The following SWAP70 variants were observed in gnomAD, a reference collection of about 807,000 sequenced individuals.
SWAP70 encodes switch-associated protein 70.
A neutral mutation model predicts 80.2 loss-of-function variants in SWAP70; 34 were observed. The ratio of observed to expected loss-of-function variants is 0.42; its 90% CI spans 0.32 to 0.56. The LOEUF is 0.56. Ranked by LOEUF, SWAP70 falls within the 20% of genes least tolerant of loss-of-function variation. The pLI is 0.09. For synonymous variants in SWAP70, 239 were observed against 238.5 expected, an observed-to-expected ratio of 1.00 and a Z score of -0.02; for missense variants, 578 against 690.7, an observed-to-expected ratio of 0.84 and a Z score of 1.83.
chr11:9,682,434 T>C (rs1436294904), intron 1 of SWAP70, among the ~76,000 whole-genome samples: 3 of 152,174 alleles, frequency 2.0e-5, no homozygotes, highest in Non-Finnish European at 4.4e-5. Context: ...ATTTGGATCT[T>C]TTGGACGTGA....
chr11:9,740,094 G>T (rs951648837), intron 8 of SWAP70, 87 bp from the exon 9 acceptor site: 19 of 1,276,916 alleles, frequency 1.5e-5, no homozygotes, highest in Non-Finnish European at 2.1e-5. Flanking sequence ...TGAGGCTGCA[G>T]CTGTGGGCAA....
At chr11:9,677,692 TTGAAA>T in intron 1 of SWAP70, among the ~76,000 whole-genome samples, 1 of 152,322 alleles carries the variant, frequency 6.6e-6, no homozygotes, top group South Asian at 2.1e-4. Context: ...TGGAAATGTC[TTGAAA>T]TGAACTCATT....
At chr11:9,695,696 T>A (rs1850747733) in intron 2 of SWAP70, among the ~76,000 whole-genome samples, 1 of 151,972 alleles carries the variant, frequency 6.6e-6, no homozygotes, top group Non-Finnish European at 1.5e-5. Context: ...CACGTACACT[T>A]ATGTAACAAA....
intron 8 of SWAP70, among the ~76,000 whole-genome samples, chr11:9,739,684 C>G (rs1851410297): frequency 6.6e-6 from 1 of 152,112 alleles, no homozygotes; most frequent in Non-Finnish European, 1.5e-5. Context: ...CTGGAGGTGC[C>G]CCAGGGAGTG....
intron 10 of SWAP70, 44 bp downstream of exon 10, chr11:9,748,100 A>C: frequency 6.4e-7 from 1 of 1,569,430 alleles, no homozygotes; most frequent in East Asian, 2.3e-5. Flanking sequence ...TAAATTTTTG[A>C]AAAACATTTC....
intron 1 of SWAP70, among the ~76,000 whole-genome samples, chr11:9,665,355 G>T (rs952463604): frequency 6.6e-6 from 1 of 152,004 alleles, no homozygotes; most frequent in Non-Finnish European, 1.5e-5. Flanking sequence ...ATCATAGTCT[G>T]GAAGGGTCCA....
intron 9 of SWAP70, among the ~76,000 whole-genome samples, chr11:9,745,706 A>G (rs752707383): frequency 2.0e-5 from 3 of 152,208 alleles, no homozygotes; most frequent in Non-Finnish European, 4.4e-5. Flanking sequence ...CATTTAATAC[A>G]CTAATAAACC....
At chr11:9,740,135 G>T in intron 8 of SWAP70, 46 bp from the exon 9 acceptor site, 1 of 1,586,180 alleles carries the variant, frequency 6.3e-7, no homozygotes, top group Non-Finnish European at 8.6e-7. Flanking sequence ...CTTTCCCTGA[G>T]AAAGAAGTCA....
At chr11:9,726,004 ATG>A (rs1851221031) in intron 4 of SWAP70, among the ~76,000 whole-genome samples, 1 of 151,948 alleles carries the variant, frequency 6.6e-6, no homozygotes, top group Non-Finnish European at 1.5e-5. Context: ...AATGTTATGC[ATG>A]TGTGTAGAGC....
At chr11:9,708,031 C>G (rs1850942573) in intron 2 of SWAP70, among the ~76,000 whole-genome samples, 1 of 152,062 alleles carries the variant, frequency 6.6e-6, no homozygotes, top group South Asian at 2.1e-4. Context: ...TTTTCTTTAT[C>G]CATTTATCCC....
intron 3 of SWAP70, among the ~76,000 whole-genome samples, chr11:9,722,346 A>G (rs1851150214): frequency 6.6e-6 from 1 of 152,238 alleles, no homozygotes; most frequent in African/African-American, 2.4e-5. Context: ...CAAGGAATGC[A>G]GAAAATGGTA....
chr11:9,719,555 T>G (rs1851109809), intron 3 of SWAP70, among the ~76,000 whole-genome samples: 1 of 152,038 alleles, frequency 6.6e-6, no homozygotes, highest in African/African-American at 2.4e-5. Flanking sequence ...AAAGTTAATG[T>G]TTGCTTCTGA....
chr11:9,686,714 C>G (rs1261052011), intron 1 of SWAP70, among the ~76,000 whole-genome samples: 1 of 152,132 alleles, frequency 6.6e-6, no homozygotes, highest in African/African-American at 2.4e-5. Context: ...GATACAGACA[C>G]CATCCTTTAT....
chr11:9,705,189 A>G (rs867647334), intron 2 of SWAP70, among the ~76,000 whole-genome samples: 20 of 122,700 alleles, frequency 1.6e-4, no homozygotes, highest in South Asian at 2.5e-4. Context: ...TGATCTGTAT[A>G]CACTGGTGAT....
At chr11:9,736,886 T>C (rs1024673027) in intron 7 of SWAP70, among the ~76,000 whole-genome samples, 2 of 150,350 alleles carry the variant, frequency 1.3e-5, no homozygotes, top group Non-Finnish European at 2.9e-5. Flanking sequence ...GAACTCTTCT[T>C]AGCTGTCTCT....
intron 1 of SWAP70, among the ~76,000 whole-genome samples, chr11:9,672,504 C>T (rs372862427): frequency 3.4e-5 from 5 of 147,528 alleles, no homozygotes; most frequent in East Asian, 3.9e-4. Flanking sequence ...GCTGGGACTA[C>T]GGGTGTATGC....
At position 9,748,014 on chromosome 11, in the gene SWAP70, G is replaced by A; in HGVS notation, c.1512G>A (p.Glu504=). ...TGCAGGAGGCCATGGAGCAGCTGGA[G>A]CAGCTTGAGTTAGAACGGAAGCAAG... ...QALQEAMEQL[E]QLELERKQAL... is the part of the protein sequence containing the mutation. The change falls in exon 10 of 12, where the codon GAG becomes GAA. Residue 504 remains glutamate, a synonymous_variant. Coordinates refer to ENST00000318950, the MANE Select transcript of SWAP70 (RefSeq NM_015055.4). 1 of 1,614,142 alleles carries A rather than the reference G, an allele frequency of 6.2e-7. No individual in the cohort carries two copies. Among genetic ancestry groups the A allele is most frequent in the Non-Finnish European group, 8.5e-7 (1 of 1,179,980 alleles).
At chr11:9,717,878 C>T (rs527314483) in intron 3 of SWAP70, among the ~76,000 whole-genome samples, 3 of 152,158 alleles carry the variant, frequency 2.0e-5, no homozygotes, top group Non-Finnish European at 4.4e-5. Context: ...CCTTAGGCAG[C>T]ACTTGCTTAA....
chr11:9,696,499 C>G (rs1313234724), intron 2 of SWAP70, among the ~76,000 whole-genome samples: 1 of 152,118 alleles, frequency 6.6e-6, no homozygotes, highest in Non-Finnish European at 1.5e-5. Flanking sequence ...AAAACATACA[C>G]ACACATGCAC....
Sources: allele counts gnomAD v4.1 joint callset (sites outside exome capture counted in the v4.1 genomes callset), GRCh38; gene constraint gnomAD v4.1.1; transcripts MANE v1.5; gene names NCBI Gene and HGNC (gene_info 2026-07-23, HGNC 2026-07-21).